Variants in NALF1 observed in about 807,000 individuals in gnomAD.
The protein encoded by NALF1 is NALCN channel auxiliary factor 1.
In NALF1, 3 loss-of-function variants were observed where a neutral mutation model predicts 48.4. The ratio of observed to expected loss-of-function variants is 0.06; its 90% CI spans 0.03 to 0.16. The LOEUF (loss-of-function observed/expected upper bound fraction) is 0.16. Ranked by LOEUF, NALF1 falls within the 10% of genes least tolerant of loss-of-function variation. The pLI is 1.00. For missense variants in NALF1, 526 were observed against 571.5 expected (o/e 0.92, Z 0.81); for synonymous variants, 262 against 245.7 (o/e 1.07, Z -0.62).
chr13:107,353,034 C>T (rs570499091), intron 1 of NALF1, among the ~76,000 whole-genome samples: 1 of 152,210 alleles, frequency 6.6e-6, no homozygotes, highest in African/African-American at 2.4e-5. Flanking sequence ...ACGAGACAAC[C>T]TTTGTACCCA....
chr13:107,817,752 G>A (rs1431104943), intron 1 of NALF1, among the ~76,000 whole-genome samples: 2 of 152,034 alleles, frequency 1.3e-5, no homozygotes, highest in African/African-American at 2.4e-5. Context: ...TCCATGGTAC[G>A]CTGCACTTCC....
chr13:107,474,528 G>GT (rs1390029446), intron 1 of NALF1, among the ~76,000 whole-genome samples: 4 of 152,166 alleles, frequency 2.6e-5, no homozygotes, highest in Non-Finnish European at 4.4e-5. Flanking sequence ...AGAGAGAAAT[G>GT]TAATAATGTC....
intron 1 of NALF1, among the ~76,000 whole-genome samples, chr13:107,403,188 C>CTTTTTTTTTTTTTTT (rs10710356): frequency 8.7e-4 from 37 of 42,486 alleles, no homozygotes; most frequent in South Asian, 1.4e-3. Flanking sequence ...CTTGTTCGGG[C>CTTTTTTTTTTTTTTT]TTTTTTTTTT....
intron 1 of NALF1, among the ~76,000 whole-genome samples, chr13:107,473,715 T>C: frequency 6.6e-6 from 1 of 152,140 alleles, no homozygotes; most frequent in South Asian, 2.1e-4. Flanking sequence ...TTCACTCCAT[T>C]CAGCAGACGC....
chr13:107,288,824 C>A (rs188533059), intron 1 of NALF1, among the ~76,000 whole-genome samples: 1 of 152,052 alleles, frequency 6.6e-6, no homozygotes, highest in African/African-American at 2.4e-5. Context: ...GGAGCCACCG[C>A]GCCCAGCCCA....
At chr13:107,347,737 C>A (rs1882800706) in intron 1 of NALF1, among the ~76,000 whole-genome samples, 5 of 152,170 alleles carry the variant, frequency 3.3e-5, no homozygotes, top group Admixed American at 3.3e-4. Context: ...ACCAACCATA[C>A]CTCTGTAAGG....
chr13:107,625,566 A>G (rs1261468944), intron 1 of NALF1, among the ~76,000 whole-genome samples: 1 of 152,090 alleles, frequency 6.6e-6, no homozygotes, highest in African/African-American at 2.4e-5. Flanking sequence ...ATGTTTCTAG[A>G]TCACAATTTA....
chr13:107,379,538 C>T (rs1241946877), intron 1 of NALF1, among the ~76,000 whole-genome samples: 1 of 152,080 alleles, frequency 6.6e-6, no homozygotes, highest in Non-Finnish European at 1.5e-5. Context: ...AGGAATACAA[C>T]GCAGAGGGAG....
intron 1 of NALF1, among the ~76,000 whole-genome samples, chr13:107,682,427 C>T (rs1253886216): frequency 6.6e-6 from 1 of 152,150 alleles, no homozygotes; most frequent in Non-Finnish European, 1.5e-5. Context: ...CCTCCTTCCT[C>T]AGCGCCTAAC....
chr13:107,325,887 T>TATATATATATATATAC (rs752320518), intron 1 of NALF1, among the ~76,000 whole-genome samples: 4 of 58,894 alleles, frequency 6.8e-5, no homozygotes, highest in Admixed American at 2.1e-4. Context: ...TATATATATA[T>TATATATATATATATAC]ACACACACAC....
intron 1 of NALF1, among the ~76,000 whole-genome samples, chr13:107,346,940 T>C (rs558962907): frequency 2.6e-5 from 4 of 152,310 alleles, no homozygotes; most frequent in African/African-American, 7.2e-5. Flanking sequence ...GCTCACAGTT[T>C]TACCAATGGC....
intron 1 of NALF1, among the ~76,000 whole-genome samples, chr13:107,761,996 T>C (rs924828113): frequency 2.0e-5 from 3 of 152,222 alleles, no homozygotes; most frequent in Non-Finnish European, 1.5e-5. Flanking sequence ...ACTGCTATTA[T>C]TGCTGTAATA....
intron 1 of NALF1, among the ~76,000 whole-genome samples, chr13:107,632,201 A>G (rs989100635): frequency 1.3e-5 from 2 of 152,146 alleles, no homozygotes; most frequent in African/African-American, 2.4e-5. Flanking sequence ...GGCAAATACT[A>G]TATCTATCTC....
intron 1 of NALF1, among the ~76,000 whole-genome samples, chr13:107,554,335 A>G (rs191247595): frequency 8.7e-4 from 132 of 152,316 alleles, no homozygotes; most frequent in African/African-American, 2.8e-3. Context: ...TCCGGGGGGA[A>G]AAAGCTAGAA....
chr13:107,546,725 A>G (rs925608837), intron 1 of NALF1, among the ~76,000 whole-genome samples: 3 of 152,196 alleles, frequency 2.0e-5, no homozygotes, highest in Admixed American at 1.3e-4. Context: ...GATGTAGTAT[A>G]TCAGTAAAAT....
chr13:107,288,806 T>G (rs1881557391), intron 1 of NALF1, among the ~76,000 whole-genome samples: 2 of 152,134 alleles, frequency 1.3e-5, no homozygotes, highest in Admixed American at 6.5e-5. Flanking sequence ...TTGCTGGGAT[T>G]ACAGGTGGGA....
In NALF1 at chr13:107,451,985, AT is replaced by A. The variant is rs1220687543; in HGVS notation, c.916-241231del. Among the ~76,000 whole-genome samples the A allele has an allele frequency of 5.3e-5, 8 of 151,862 alleles. No homozygotes were observed. The East Asian group carries it at 9.7e-4, about 18-fold the overall frequency. Reference sequence around the variant, plus strand: ...TACTGGTGTCCCTGGTTTCATACTGATTTTTTTTCTCTCCCTCTCTTATCCA... The same window carrying A: ...TACTGGTGTCCCTGGTTTCATACTGATTTTTTTCTCTCCCTCTCTTATCCA... On this transcript the variant is annotated intron_variant, in intron 1 of 2. Transcript: ENST00000375915.
At chr13:107,203,345 CT>C in intron 2 of NALF1, among the ~76,000 whole-genome samples, 1 of 152,268 alleles carries the variant, frequency 6.6e-6, no homozygotes. Context: ...TTATCGCCTC[CT>C]GGCTGTAGAG....
intron 1 of NALF1, among the ~76,000 whole-genome samples, chr13:107,481,454 A>G (rs1387061346): frequency 3.3e-5 from 5 of 152,302 alleles, no homozygotes; most frequent in Middle Eastern, 3.4e-3. Flanking sequence ...GCTATTAAAA[A>G]TAAGTTATTA....
Sources: gnomAD v4.1 joint callset for allele counts (sites outside exome capture counted in the v4.1 genomes callset) on GRCh38, gnomAD v4.1.1 for gene constraint, MANE v1.5 for transcripts, NCBI Gene and HGNC (gene_info 2026-07-23, HGNC 2026-07-21) for gene names.